Variants in FBXO25 observed in about 807,000 individuals in gnomAD.
FBXO25 encodes the protein F-box protein 25.
FBXO25 carries 45 observed loss-of-function variants against 51.9 expected under a neutral mutation model. That is an observed-to-expected ratio of 0.87 (90% CI 0.68 to 1.11). FBXO25 has a LOEUF of 1.11. Among genes scored for constraint, FBXO25 ranks in the 50% most tolerant of loss-of-function variants. The probability of loss-of-function intolerance (pLI) is 0.00; values close to 1 mark genes in which losing one functional copy is unlikely to be tolerated. For synonymous variants in FBXO25, 199 were observed against 151.0 expected, an observed-to-expected ratio of 1.32 and a Z score of -2.33; for missense variants, 507 against 428.5, an observed-to-expected ratio of 1.18 and a Z score of -1.62.
At chr8:449,557 T>G (rs559496549) in intron 5 of FBXO25, among the ~76,000 whole-genome samples, 3 of 152,370 alleles carry the variant, frequency 2.0e-5, no homozygotes, top group African/African-American at 7.2e-5. Context: ...GCTGTTTGAT[T>G]TTCTGATTGT....
rs548922890 is a variant in FBXO25 at position 447,962 on chromosome 8, G to A, written c.382-2028G>A. 7.2e-5 allele frequency among the ~76,000 whole-genome samples: 11 copies of A among 152,284 alleles called. No homozygotes were observed. The East Asian group carries it at 9.7e-4, about 13-fold the overall frequency. On this transcript the variant is annotated intron_variant, in intron 5 of 9. Transcript: ENST00000350302. ...CAGCCGGGAGAACCACCACAGAGGCGAAGGTGGGATTGGAAGGGCCCAGGA... is the reference window on the plus strand; with the variant it reads ...CAGCCGGGAGAACCACCACAGAGGCAAAGGTGGGATTGGAAGGGCCCAGGA...
intron 4 of FBXO25, among the ~76,000 whole-genome samples, chr8:434,552 C>T (rs1266531010): frequency 6.6e-6 from 1 of 152,196 alleles, no homozygotes; most frequent in Non-Finnish European, 1.5e-5. Flanking sequence ...CACAGAAGCA[C>T]ATGAGCCTCT....
At position 468,512 on chromosome 8, in the gene FBXO25, G is replaced by A. The variant is rs146449954; in HGVS notation, c.988-203G>A. Among the ~76,000 whole-genome samples the A allele has an allele frequency of 5.8e-3, 876 of 152,192 alleles. 11 individuals carry two copies. The highest frequency in any genetic ancestry group is 0.018 in the African/African-American group (765 of 41,516). On this transcript the variant is annotated intron_variant, in intron 9 of 9. Transcript: ENST00000350302. Reference sequence around the variant, plus strand: ...GGCCACCGTCTCCTGCCCTACCTGAGCAGGAGTTCCATGGGAAACCTCTAT... The same window carrying A: ...GGCCACCGTCTCCTGCCCTACCTGAACAGGAGTTCCATGGGAAACCTCTAT...
chr8:413,500 A>G (rs1028835805), intron 2 of FBXO25, among the ~76,000 whole-genome samples: 3 of 152,176 alleles, frequency 2.0e-5, no homozygotes, highest in Non-Finnish European at 1.5e-5. Flanking sequence ...ACCTGAGGAA[A>G]TTGAAATGCA....
intron 2 of FBXO25, among the ~76,000 whole-genome samples, chr8:425,139 C>T (rs1289696702): frequency 1.3e-5 from 2 of 152,030 alleles, no homozygotes; most frequent in African/African-American, 2.4e-5. Flanking sequence ...CCCCGCCCCC[C>T]ACATGTCCCA....
At chr8:443,551 A>G (rs1324108300) in intron 5 of FBXO25, among the ~76,000 whole-genome samples, 3 of 151,178 alleles carry the variant, frequency 2.0e-5, no homozygotes, top group African/African-American at 7.3e-5. Flanking sequence ...AAAAGGGACA[A>G]CCCCAAAAAT....
chr8:437,851 G>A (rs898446701), intron 5 of FBXO25, among the ~76,000 whole-genome samples: 5 of 151,926 alleles, frequency 3.3e-5, no homozygotes, highest in Non-Finnish European at 5.9e-5. Context: ...CAACAACTGA[G>A]AGGATTGTCT....
chr8:423,992 G>T (rs1797319051), intron 2 of FBXO25, among the ~76,000 whole-genome samples: 1 of 152,140 alleles, frequency 6.6e-6, no homozygotes, highest in Non-Finnish European at 1.5e-5. Flanking sequence ...ATTCTGACTA[G>T]TGTCAGATGG....
At chr8:437,599 G>A (rs1388158214) in intron 5 of FBXO25, among the ~76,000 whole-genome samples, 1 of 152,200 alleles carries the variant, frequency 6.6e-6, no homozygotes, top group East Asian at 1.9e-4. Context: ...ACAAAAACAA[G>A]AAGCAGCCTT....
rs1800407921 is a variant in FBXO25 at position 469,590 on chromosome 8, T to C, written c.*786T>C. Reference sequence around the variant, plus strand: ...TCTATTGATTTAAACTTCATCAGTTTTGCATCCTACTGAGAAATGTTAGTG... The same window carrying C: ...TCTATTGATTTAAACTTCATCAGTTCTGCATCCTACTGAGAAATGTTAGTG... On this transcript the variant is annotated 3_prime_UTR_variant, in exon 10 of 10. Coordinates refer to ENST00000350302, the MANE Select transcript of FBXO25 (RefSeq NM_183420.2). 6.6e-6 allele frequency: 1 copy of C among 152,350 alleles called. No individual in the cohort carries two copies. Among genetic ancestry groups the C allele is most frequent in the South Asian group, 2.1e-4 (1 of 4,828 alleles). 9.4% of individuals were successfully genotyped at this position (152,350 alleles called of 1,614,324 possible).
intron 7 of FBXO25, among the ~76,000 whole-genome samples, chr8:455,314 A>G (rs1479963002): frequency 6.6e-6 from 1 of 152,136 alleles, no homozygotes; most frequent in Non-Finnish European, 1.5e-5. Context: ...AGGGAAGTAA[A>G]CCCTCATTGC....
intron 2 of FBXO25, among the ~76,000 whole-genome samples, chr8:414,302 G>T (rs1328039096): frequency 6.6e-6 from 1 of 152,132 alleles, no homozygotes; most frequent in Non-Finnish European, 1.5e-5. Context: ...ATACAGTTAT[G>T]AATTTTCTAG....
intron 2 of FBXO25, among the ~76,000 whole-genome samples, chr8:431,092 C>A (rs992490435): frequency 3.9e-5 from 6 of 152,170 alleles, no homozygotes; most frequent in African/African-American, 1.4e-4. Flanking sequence ...ATGTTTGAAA[C>A]TACCTTGGAT....
chr8:416,059 T>C (rs528656776), intron 2 of FBXO25, among the ~76,000 whole-genome samples: 1 of 152,308 alleles, frequency 6.6e-6, no homozygotes, highest in South Asian at 2.1e-4. Context: ...CATTGCTTGC[T>C]CCTCCTTGTT....
chr8:474,741 T>C lies in FBXO25; in HGVS notation c.*5937T>C, dbSNP rs1800591955. ...TGTGTGTTTTTATATGTTCTGGGTA[T>C]TCACCCTTTTCAGATATATCATTTT... On this transcript the variant is annotated 3_prime_UTR_variant, in exon 10 of 10. Transcript: ENST00000350302. 1 of 456,742 alleles carries C rather than the reference T, an allele frequency of 2.2e-6. No homozygotes were observed. The highest frequency in any genetic ancestry group is 1.5e-5 in the South Asian group (1 of 64,566). The allele number at this position is 456,742 out of a possible 1,614,324, so 28.3% of individuals were successfully genotyped here. A position where few individuals can be genotyped will look rare whatever the true frequency, so the allele number is the denominator to read the frequency against.
intron 8 of FBXO25, among the ~76,000 whole-genome samples, chr8:462,455 G>A (rs2116822162): frequency 6.6e-6 from 1 of 152,266 alleles, no homozygotes; most frequent in South Asian, 2.1e-4. Context: ...CTGGATTGGA[G>A]TATTTAAGTC....
intron 7 of FBXO25, among the ~76,000 whole-genome samples, chr8:454,781 C>G (rs954540878): frequency 7.9e-5 from 12 of 151,692 alleles, no homozygotes; most frequent in African/African-American, 2.7e-4. Flanking sequence ...GTCCCAGCTA[C>G]TTGGGAGGCT....
At position 451,247 on chromosome 8, in the gene FBXO25, GTTTTAT is replaced by G. The variant is rs760463462; in HGVS notation, c.476-13_476-8del. On this transcript the variant is annotated splice_polypyrimidine_tract_variant and intron_variant, in intron 6 of 9. Coordinates refer to ENST00000350302, the MANE Select transcript of FBXO25 (RefSeq NM_183420.2). ...TGTTGCTTAACTGTATCAATCCATA[GTTTTAT>G]TTTTATTTATTCCAGTTCTTGATGA... 672 of 1,578,920 alleles carry G rather than the reference GTTTTAT, an allele frequency of 4.3e-4. 4 individuals carry two copies. The highest frequency in any genetic ancestry group is 2.9e-3 in the Middle Eastern group (17 of 5,902).
At position 466,074 on chromosome 8, in the gene FBXO25, C is replaced by G. The variant is rs114875978; in HGVS notation, c.988-2641C>G. Among the ~76,000 whole-genome samples, 954 of 152,252 alleles carry G rather than the reference C, an allele frequency of 6.3e-3. 13 individuals are homozygous for G. Among genetic ancestry groups the G allele is most frequent in the African/African-American group, 0.022 (908 of 41,546 alleles). ...CTTCACTGTAGCTACAGTGAGTGGT[C>G]CCATCACAGCTTCTCCCACTGAATA... On this transcript the variant is annotated intron_variant, in intron 9 of 9. Coordinates refer to ENST00000350302, the MANE Select transcript of FBXO25 (RefSeq NM_183420.2).
Sources: gnomAD v4.1 joint callset for allele counts (sites outside exome capture counted in the v4.1 genomes callset) on GRCh38, gnomAD v4.1.1 for gene constraint, MANE v1.5 for transcripts, NCBI Gene and HGNC (gene_info 2026-07-23, HGNC 2026-07-21) for gene names.